ELFN1: variants seen among roughly 807,000 people sequenced by gnomAD.
ELFN1 encodes protein ELFN1.
Under a neutral mutation model 7.6 loss-of-function variants are expected in ELFN1, and 6 were observed. The observed-to-expected ratio is 0.79, with a 90% CI of 0.43 to 1.56. ELFN1 has a LOEUF of 1.56. Ranked by LOEUF, ELFN1 falls within the 40% of genes most tolerant of loss-of-function variation. ELFN1 has a pLI of 0.01. For synonymous variants in ELFN1, 657 were observed against 588.1 expected (o/e 1.12, Z -1.70); for missense variants, 1,169 against 1,232.2 (o/e 0.95, Z 0.77).
chr7:1,704,630 A>C (rs994286963), intron 2 of ELFN1, among the ~76,000 whole-genome samples: 4 of 152,064 alleles, frequency 2.6e-5, no homozygotes, highest in Non-Finnish European at 5.9e-5. Flanking sequence ...TGGGGTACGC[A>C]GTCAGATCAC....
chr7:1,716,544 G>C (rs920380475), intron 3 of ELFN1, among the ~76,000 whole-genome samples: 7 of 152,222 alleles, frequency 4.6e-5, no homozygotes, highest in African/African-American at 1.7e-4. Context: ...CTACATGCCT[G>C]CACAGGTGTG....
chr7:1,683,976 C>T (rs1779018103), intron 1 of ELFN1, among the ~76,000 whole-genome samples: 1 of 152,126 alleles, frequency 6.6e-6, no homozygotes, highest in Admixed American at 6.5e-5. Context: ...TAGGGAGACC[C>T]TGTCTCTACA....
chr7:1,701,378 G>C (rs752157880), intron 2 of ELFN1, among the ~76,000 whole-genome samples: 1 of 152,184 alleles, frequency 6.6e-6, no homozygotes, highest in African/African-American at 2.4e-5. Context: ...TTGTAGACAC[G>C]GTGTCTTCTT....
At chr7:1,676,464 C>T (rs1778873735) in intron 1 of ELFN1, among the ~76,000 whole-genome samples, 1 of 152,226 alleles carries the variant, frequency 6.6e-6, no homozygotes, top group Admixed American at 6.5e-5. Flanking sequence ...TCGGCCTCTC[C>T]TCCGTCATGT....
chr7:1,729,692 C>CAGCCA (rs1173453336), intron 3 of ELFN1, among the ~76,000 whole-genome samples: 70 of 152,340 alleles, frequency 4.6e-4, no homozygotes, highest in African/African-American at 1.7e-3. Flanking sequence ...AAGGTCTCTG[C>CAGCCA]AGACTCCAGG....
intron 3 of ELFN1, among the ~76,000 whole-genome samples, chr7:1,731,494 C>G (rs1370578580): frequency 6.6e-6 from 1 of 152,136 alleles, no homozygotes; most frequent in African/African-American, 2.4e-5. Context: ...CACACAGAGG[C>G]CTCATGAGAG....
intron 3 of ELFN1, among the ~76,000 whole-genome samples, chr7:1,714,115 G>C (rs1288691733): frequency 1.3e-5 from 2 of 152,202 alleles, no homozygotes; most frequent in Non-Finnish European, 2.9e-5. Context: ...TCAGTGACCA[G>C]GTCAGCTTCA....
chr7:1,710,959 G>A (rs1405262268), intron 3 of ELFN1, among the ~76,000 whole-genome samples: 1 of 152,228 alleles, frequency 6.6e-6, no homozygotes, highest in Non-Finnish European at 1.5e-5. Context: ...TTCACAAAGT[G>A]AGGGCAAGGT....
chr7:1,745,475 G>A lies in ELFN1; in HGVS notation c.879G>A (p.Glu293=). 1 of 1,542,328 alleles carries A rather than the reference G, an allele frequency of 6.5e-7. No individual in the cohort carries two copies. Among genetic ancestry groups the A allele is most frequent in the South Asian group, 1.2e-5 (1 of 84,010 alleles). Residue 293 remains glutamate, a synonymous_variant, in exon 4 of 4, where the codon GAG becomes GAA. Coordinates refer to ENST00000424383, the MANE Select transcript of ELFN1 (RefSeq NM_001128636.4). ...EPSDMPCADD[E]CFSGDGTTPL... ...GTGACATGCCCTGTGCCGATGATGA[G>A]TGCTTCTCCGGGGACGGCACCACGC...
At chr7:1,742,908 TCAATATC>T (rs1313501987) in intron 3 of ELFN1, among the ~76,000 whole-genome samples, 2 of 152,280 alleles carry the variant, frequency 1.3e-5, no homozygotes, top group African/African-American at 4.8e-5. Flanking sequence ...GTTGCAAACG[TCAATATC>T]AGTGAAATAC....
intron 1 of ELFN1, among the ~76,000 whole-genome samples, chr7:1,685,723 A>G (rs1255856236): frequency 6.6e-6 from 1 of 150,678 alleles, no homozygotes; most frequent in African/African-American, 2.4e-5. Flanking sequence ...TTCTTTACAC[A>G]TAGTTGTCTT....
rs542865380 is a variant in ELFN1 at position 1,692,903 on chromosome 7, C to T, written c.-456+4753C>T. 12 of 183,562 alleles carry T rather than the reference C, an allele frequency of 6.5e-5. No homozygotes were observed. In the East Asian group the frequency reaches 1.3e-3, roughly 20 times the overall value. 11.4% of individuals were successfully genotyped at this position (183,562 alleles called of 1,614,324 possible). A position where few individuals can be genotyped will look rare whatever the true frequency, so the allele number is the denominator to read the frequency against. ...GAACGCCCAGTGGGGGCCACATCAG[C>T]TTCCGCCTCTATGTACCCTGCAGGG... On this transcript the variant is annotated intron_variant, in intron 2 of 3. Coordinates refer to ENST00000424383, the MANE Select transcript of ELFN1 (RefSeq NM_001128636.4).
At chr7:1,715,826 G>C (rs371064516) in intron 3 of ELFN1, among the ~76,000 whole-genome samples, 9 of 152,262 alleles carry the variant, frequency 5.9e-5, no homozygotes, top group Admixed American at 1.3e-4. Flanking sequence ...GCTCCTGAAG[G>C]CTGCCTCCGG....
In ELFN1 at chr7:1,704,558, C is replaced by A. The variant is rs1470434242; in HGVS notation, c.-455-4533C>A. On this transcript the variant is annotated intron_variant, in intron 2 of 3. Coordinates refer to ENST00000424383, the MANE Select transcript of ELFN1 (RefSeq NM_001128636.4). ...TCACTGGGTCTCGACTCCTCCCCAC[C>A]CCAGGAGGCTCCACCTACAGCAGTA... Among the ~76,000 whole-genome samples the A allele has an allele frequency of 3.3e-5, 5 of 152,182 alleles. No homozygotes were observed. In the South Asian group the frequency reaches 6.2e-4, roughly 19 times the overall value.
In ELFN1 at chr7:1,740,299, C is replaced by T. The variant is rs1326158412; in HGVS notation, c.-293-4005C>T. On this transcript the variant is annotated intron_variant, in intron 3 of 3. Coordinates refer to ENST00000424383, the MANE Select transcript of ELFN1 (RefSeq NM_001128636.4). This position sits in a 1 kb window ranked among gnomAD's most constrained non-coding sequence, Gnocchi z 5.0. ...ATTGCCCTCCCTGGGGCCTTGTGGT[C>T]CACGCCCATACGAGCCTCTGGGTCT... Among the ~76,000 whole-genome samples the T allele has an allele frequency of 6.6e-6, 1 of 152,184 alleles. No homozygotes were observed. Among genetic ancestry groups the T allele is most frequent in the East Asian group, 1.9e-4 (1 of 5,184 alleles).
chr7:1,726,324 A>C (rs1780195801), intron 3 of ELFN1, among the ~76,000 whole-genome samples: 2 of 152,214 alleles, frequency 1.3e-5, no homozygotes, highest in Admixed American at 1.3e-4. Flanking sequence ...GTGCCTCTCC[A>C]AACCCTGTCA....
chr7:1,725,369 G>A (rs1412032739), intron 3 of ELFN1, among the ~76,000 whole-genome samples: 1 of 152,038 alleles, frequency 6.6e-6, no homozygotes, highest in African/African-American at 2.4e-5. Context: ...AGTGGGACGG[G>A]ACAGGGCGCA....
At chr7:1,676,009 G>A (rs1778863179) in intron 1 of ELFN1, among the ~76,000 whole-genome samples, 2 of 152,280 alleles carry the variant, frequency 1.3e-5, no homozygotes, top group Admixed American at 6.5e-5. Flanking sequence ...CCTGGCCCCC[G>A]CACTGGTCAG....
upstream of ELFN1, among the ~76,000 whole-genome samples, chr7:1,669,920 G>A (rs1259439759): frequency 6.6e-6 from 1 of 150,486 alleles, no homozygotes; most frequent in Non-Finnish European, 1.5e-5. Context: ...GAGGGCCGGG[G>A]ACGGACCGCG....
Sources: gnomAD v4.1 joint callset for allele counts (sites outside exome capture counted in the v4.1 genomes callset) on GRCh38, gnomAD v4.1.1 for gene constraint, Gnocchi (gnomAD v3.1) non-coding constraint, MANE v1.5 for transcripts, NCBI Gene and HGNC (gene_info 2026-07-23, HGNC 2026-07-21) for gene names.